Variants in PUDP observed in about 807,000 individuals in gnomAD.
PUDP encodes pseudouridine-5'-phosphatase.
In PUDP, 8 loss-of-function variants were observed where a neutral mutation model predicts 9.4. That is an observed-to-expected ratio of 0.85 (90% CI 0.50 to 1.53). PUDP has a LOEUF of 1.53. Ranked by LOEUF, PUDP falls within the 40% of genes most tolerant of loss-of-function variation. The pLI is 0.00. For missense variants in PUDP, 188 were observed against 189.7 expected, an observed-to-expected ratio of 0.99 and a Z score of 0.05; for synonymous variants, 99 against 80.7, an observed-to-expected ratio of 1.23 and a Z score of -1.22.
At chrX:6,942,440 C>G (rs1202352808) in intron 3 of PUDP, among the ~76,000 whole-genome samples, 1 of 111,628 alleles carries the variant, frequency 9.0e-6, no homozygotes, top group Non-Finnish European at 1.9e-5. Context: ...AATCTGAGAC[C>G]TATCAGAGAA....
At chrX:7,091,050 T>C (rs1436862891) in intron 2 of PUDP, among the ~76,000 whole-genome samples, 2 of 112,204 alleles carry the variant, frequency 1.8e-5, no homozygotes, top group Non-Finnish European at 3.8e-5. Context: ...GAAGTGGCAC[T>C]GAACACTTCC....
intron 3 of PUDP, among the ~76,000 whole-genome samples, chrX:7,059,500 C>T (rs954435630): frequency 8.9e-6 from 1 of 111,864 alleles, no homozygotes; most frequent in African/African-American, 3.2e-5. Flanking sequence ...ACGTAGCCTT[C>T]TGCATGAGAC....
intron 1 of PUDP, among the ~76,000 whole-genome samples, chrX:6,718,901 G>C (rs374413653): frequency 9.0e-6 from 1 of 111,324 alleles, no homozygotes; most frequent in Non-Finnish European, 1.9e-5. Flanking sequence ...GAGAGCAACC[G>C]CTAGCTGACA....
At chrX:6,802,746 C>T (rs959331641) in intron 3 of PUDP, among the ~76,000 whole-genome samples, 2 of 108,513 alleles carry the variant, frequency 1.8e-5, no homozygotes, top group Non-Finnish European at 3.8e-5. Flanking sequence ...TTAGCCAGGC[C>T]TGGTGGCAGG....
intron 3 of PUDP, among the ~76,000 whole-genome samples, chrX:6,903,560 T>G (rs963552680): frequency 3.6e-5 from 4 of 111,382 alleles, no homozygotes; most frequent in Non-Finnish European, 7.5e-5. Context: ...AATGGCTGAC[T>G]AGATAAAGAA....
At chrX:6,905,725 G>A (rs1232196562) in intron 3 of PUDP, among the ~76,000 whole-genome samples, 1 of 111,438 alleles carries the variant, frequency 9.0e-6, no homozygotes, top group African/African-American at 3.3e-5. Flanking sequence ...CACATATAGC[G>A]ATCAGCCCAG....
At chrX:6,863,332 T>C (rs907376730) in intron 3 of PUDP, among the ~76,000 whole-genome samples, 2 of 112,821 alleles carry the variant, frequency 1.8e-5, no homozygotes, top group Admixed American at 1.9e-4. Flanking sequence ...ATTTGGACTA[T>C]TGTCCAAAAG....
chrX:7,071,301 A>G (rs1415215153), intron 3 of PUDP, among the ~76,000 whole-genome samples: 1 of 111,390 alleles, frequency 9.0e-6, no homozygotes, highest in Non-Finnish European at 1.9e-5. Context: ...TCCCTGAAGG[A>G]AATCACATTG....
chrX:7,085,582 G>C (rs1182353989), intron 2 of PUDP: 1 of 112,209 alleles, frequency 8.9e-6, no homozygotes, highest in East Asian at 2.8e-4. Flanking sequence ...AGCTGTGTAG[G>C]TCAGGTATTT....
intron 2 of PUDP, 123 bp from the exon 3 acceptor site, chrX:7,077,572 C>T: frequency 1.9e-6 from 1 of 519,730 alleles, no homozygotes; most frequent in East Asian, 3.6e-5. Context: ...TGAGGAATTT[C>T]TGACCTAGGA....
intron 3 of PUDP, among the ~76,000 whole-genome samples, chrX:6,852,022 T>C (rs1053702977): frequency 1.8e-5 from 2 of 112,588 alleles, no homozygotes; most frequent in African/African-American, 6.5e-5. Flanking sequence ...TTCATTTCTA[T>C]ATGTCAAATA....
chrX:6,925,620 G>A (rs1270194690), intron 3 of PUDP, among the ~76,000 whole-genome samples: 2 of 112,227 alleles, frequency 1.8e-5, no homozygotes, highest in Non-Finnish European at 1.9e-5. Context: ...TGGTCCCGAG[G>A]CAGTCGGATT....
In PUDP at chrX:6,997,667, T is replaced by C. The variant is rs985534212; in HGVS notation, c.205-19324A>G. On this transcript the variant is annotated intron_variant and NMD_transcript_variant, in intron 1 of 3. Transcript: ENST00000655425. Reference sequence around the variant, plus strand: ...TTTTCAAAGATTAGAAGAACATGAATTGCACAAATGTGAGAGCAAGAAGAT... The same window carrying C: ...TTTTCAAAGATTAGAAGAACATGAACTGCACAAATGTGAGAGCAAGAAGAT... Among the ~76,000 whole-genome samples the C allele has an allele frequency of 3.6e-5, 4 of 112,235 alleles. No individual in the cohort carries two copies. In the East Asian group the frequency reaches 1.1e-3, roughly 31 times the overall value.
intron 3 of PUDP, among the ~76,000 whole-genome samples, chrX:6,912,617 C>T (rs1677476232): frequency 1.8e-5 from 2 of 111,969 alleles, no homozygotes; most frequent in Admixed American, 1.9e-4. Flanking sequence ...TCAGCCAGGA[C>T]AATGATCCTG....
At chrX:6,921,110 C>T (rs1206138819) in intron 3 of PUDP, among the ~76,000 whole-genome samples, 1 of 111,196 alleles carries the variant, frequency 9.0e-6, no homozygotes, top group Non-Finnish European at 1.9e-5. Context: ...CATGGCCAGG[C>T]ACTGTGGCTC....
intron 1 of PUDP, among the ~76,000 whole-genome samples, chrX:7,146,981 C>T (rs950331885): frequency 9.1e-6 from 1 of 110,112 alleles, no homozygotes; most frequent in African/African-American, 3.3e-5. Context: ...ATATATGAAG[C>T]CTCCTGGTGA....
At chrX:7,011,894 C>T (rs1929482069) in intron 1 of PUDP, among the ~76,000 whole-genome samples, 1 of 112,441 alleles carries the variant, frequency 8.9e-6, no homozygotes, top group Admixed American at 9.4e-5. Flanking sequence ...GATTTATGAA[C>T]CTGTGGCTCA....
intron 1 of PUDP, chrX:6,706,563 C>A (rs1042285519): frequency 8.9e-6 from 1 of 112,020 alleles, no homozygotes; most frequent in Non-Finnish European, 1.9e-5. Context: ...CATCAGTCAT[C>A]ATATATGATA....
At chrX:6,787,183 A>AAATTAACCAAG (rs1925661900) in intron 3 of PUDP, among the ~76,000 whole-genome samples, 1 of 112,257 alleles carries the variant, frequency 8.9e-6, no homozygotes, top group South Asian at 3.7e-4. Flanking sequence ...AATCCATTAA[A>AAATTAACCAAG]AATTAACCAA....
Sources: gnomAD v4.1 joint callset for allele counts (sites outside exome capture counted in the v4.1 genomes callset) on GRCh38, gnomAD v4.1.1 for gene constraint, MANE v1.5 for transcripts, NCBI Gene and HGNC (gene_info 2026-07-23, HGNC 2026-07-21) for gene names.